Variants in CALD1 observed in about 807,000 individuals in gnomAD.
CALD1 encodes the protein caldesmon.
A neutral mutation model predicts 99.9 loss-of-function variants in CALD1; 33 were observed. That is an observed-to-expected ratio of 0.33 (90% CI 0.25 to 0.44). The LOEUF (loss-of-function observed/expected upper bound fraction) is 0.44. Among genes scored for constraint, CALD1 ranks in the 20% least tolerant of loss-of-function variants. The pLI is 1.00. For synonymous variants in CALD1, 310 were observed against 325.0 expected, an observed-to-expected ratio of 0.95 and a Z score of 0.50; for missense variants, 861 against 962.1, an observed-to-expected ratio of 0.89 and a Z score of 1.39.
At chr7:134,815,044 C>T (rs532421432) in intron 1 of CALD1, among the ~76,000 whole-genome samples, 5 of 152,230 alleles carry the variant, frequency 3.3e-5, no homozygotes, top group South Asian at 2.1e-4. Context: ...TCAGTTTTGC[C>T]GTGGTCTAGC....
chr7:134,723,071 C>G, the CALD1 span, among the ~76,000 whole-genome samples: 1 of 152,178 alleles, frequency 6.6e-6, no homozygotes, highest in African/African-American at 2.4e-5. Context: ...CTAATATTAA[C>G]TATCACCCCC....
At position 134,933,784 on chromosome 7, in the gene CALD1, G is replaced by A. The variant is rs1805730883; in HGVS notation, c.1015G>A (p.Ala339Thr). The change falls in exon 5 of 15, where the codon GCA becomes ACA. Residue 339 changes from alanine to threonine, a missense_variant. Transcript: ENST00000361675. Reference sequence around the variant, plus strand: ...GATAAAGGAGGAAGAGAAAAGGGCAGCAGAGGAGAGGCAGAGGATAAAGGA... The same window carrying A: ...GATAAAGGAGGAAGAGAAAAGGGCAACAGAGGAGAGGCAGAGGATAAAGGA... ...QRIKEEEKRAAEERQRIKEEE... is the reference protein window; with the variant it reads ...QRIKEEEKRATEERQRIKEEE... 6.4e-7 allele frequency: 1 copy of A among 1,551,876 alleles called. No individual in the cohort carries two copies. Among genetic ancestry groups the A allele is most frequent in the Non-Finnish European group, 8.7e-7 (1 of 1,147,368 alleles).
chr7:134,906,532 G>C (rs1803399976), intron 3 of CALD1, among the ~76,000 whole-genome samples: 1 of 152,208 alleles, frequency 6.6e-6, no homozygotes, highest in South Asian at 2.1e-4. Flanking sequence ...TCACTGTTAA[G>C]TAAGCTTCAC....
chr7:134,810,130 A>G (rs1035620315), intron 1 of CALD1, among the ~76,000 whole-genome samples: 9 of 152,244 alleles, frequency 5.9e-5, no homozygotes, highest in Admixed American at 2.6e-4. Context: ...AGGATCATAA[A>G]TGCTTACTAA....
chr7:134,731,670 G>C, the CALD1 span, among the ~76,000 whole-genome samples: 2 of 148,364 alleles, frequency 1.3e-5, no homozygotes, highest in Non-Finnish European at 3.0e-5. Context: ...TTTTTTTCCA[G>C]CTCCAAATAT....
At chr7:134,863,790 AATAAAT>A (rs1800669074) in intron 2 of CALD1, among the ~76,000 whole-genome samples, 1 of 152,282 alleles carries the variant, frequency 6.6e-6, no homozygotes, top group Non-Finnish European at 1.5e-5. Context: ...AATTGATTTT[AATAAAT>A]ATAAATATAC....
intron 3 of CALD1, among the ~76,000 whole-genome samples, chr7:134,925,411 G>A (rs111542098): frequency 0.02 from 3,000 of 152,242 alleles, 41 homozygotes; most frequent in Middle Eastern, 0.041. Flanking sequence ...GGGGACGGAG[G>A]AGTTTTGCTT....
At chr7:134,717,808 T>C in the CALD1 span, among the ~76,000 whole-genome samples, 1 of 152,190 alleles carries the variant, frequency 6.6e-6, no homozygotes, top group Non-Finnish European at 1.5e-5. Flanking sequence ...CCAATTGCCT[T>C]TGGAGATTTC....
At position 134,970,684 on chromosome 7, in the gene CALD1, G is replaced by T. The variant is rs986772614; in HGVS notation, c.*2339G>T. ...TTTTTATGTACAATATTGATAGTGAGAGGTATGTCTATTATAATAAAGATT... is the reference window on the plus strand; with the variant it reads ...TTTTTATGTACAATATTGATAGTGATAGGTATGTCTATTATAATAAAGATT... On this transcript the variant is annotated 3_prime_UTR_variant, in exon 15 of 15. Transcript: ENST00000361675. 2 of 152,450 alleles carry T rather than the reference G, an allele frequency of 1.3e-5. No individual in the cohort carries two copies. 9.4% of individuals were successfully genotyped at this position (152,450 alleles called of 1,614,324 possible). A position where few individuals can be genotyped will look rare whatever the true frequency, so the allele number is the denominator to read the frequency against.
intron 1 of CALD1, among the ~76,000 whole-genome samples, chr7:134,812,131 G>A (rs902592093): frequency 1.1e-4 from 17 of 152,192 alleles, no homozygotes; most frequent in African/African-American, 7.2e-5. Context: ...GGAGGTTTGG[G>A]GAAAACTTTT....
intron 1 of CALD1, among the ~76,000 whole-genome samples, chr7:134,811,324 G>A (rs1286429285): frequency 6.6e-6 from 1 of 152,158 alleles, no homozygotes; most frequent in African/African-American, 2.4e-5. Flanking sequence ...TTCACTGGGG[G>A]CAGGGGTCTG....
At chr7:134,942,723 A>G (rs1806544905) in intron 7 of CALD1, among the ~76,000 whole-genome samples, 1 of 152,250 alleles carries the variant, frequency 6.6e-6, no homozygotes, top group African/African-American at 2.4e-5. Context: ...ACTATTTTTT[A>G]ATAGTTTAAA....
the CALD1 span, among the ~76,000 whole-genome samples, chr7:134,723,921 T>G: frequency 6.6e-6 from 1 of 152,298 alleles, no homozygotes; most frequent in South Asian, 2.1e-4. Flanking sequence ...AAAGCCTGGA[T>G]AGAGGAGGCG....
intron 1 of CALD1, among the ~76,000 whole-genome samples, chr7:134,758,501 G>GGTGTGT (rs59389296): frequency 0.13 from 19,239 of 145,012 alleles, 1,366 homozygotes; most frequent in Middle Eastern, 0.2. Flanking sequence ...CTCCCATTGG[G>GGTGTGT]GTGTGTGTGT....
At chr7:134,730,061 T>C in the CALD1 span, among the ~76,000 whole-genome samples, 1 of 152,128 alleles carries the variant, frequency 6.6e-6, no homozygotes, top group Non-Finnish European at 1.5e-5. Flanking sequence ...AGGCGGCTGC[T>C]GCCTGGGGAA....
At chr7:134,728,845 C>CTTTTTTTT in the CALD1 span, among the ~76,000 whole-genome samples, 4 of 124,242 alleles carry the variant, frequency 3.2e-5, no homozygotes, top group African/African-American at 5.8e-5. Context: ...TATACCTTTT[C>CTTTTTTTT]TTTTTTTTTT....
At chr7:134,930,360 G>A (rs899179465) in intron 4 of CALD1, among the ~76,000 whole-genome samples, 1 of 152,166 alleles carries the variant, frequency 6.6e-6, no homozygotes, top group African/African-American at 2.4e-5. Flanking sequence ...GAGGAAAATG[G>A]AGAAAATAAT....
At chr7:134,748,916 T>C (rs534405607) in intron 1 of CALD1, among the ~76,000 whole-genome samples, 1 of 151,856 alleles carries the variant, frequency 6.6e-6, no homozygotes, top group Non-Finnish European at 1.5e-5. Flanking sequence ...AATGCCCTCA[T>C]CAAAAAGGCT....
chr7:134,814,110 G>A (rs1798465422), intron 1 of CALD1, among the ~76,000 whole-genome samples: 2 of 152,172 alleles, frequency 1.3e-5, no homozygotes, highest in Non-Finnish European at 2.9e-5. Flanking sequence ...GCAACAAGGA[G>A]GGGTAGAGGA....
Sources: gnomAD v4.1 joint callset for allele counts (sites outside exome capture counted in the v4.1 genomes callset) on GRCh38, gnomAD v4.1.1 for gene constraint, MANE v1.5 for transcripts, NCBI Gene and HGNC (gene_info 2026-07-23, HGNC 2026-07-21) for gene names.